Variants in SEMA5A observed in about 807,000 individuals in gnomAD.
The protein encoded by SEMA5A is semaphorin-5A.
A neutral mutation model predicts 135.5 loss-of-function variants in SEMA5A; 55 were observed. The observed-to-expected ratio is 0.41, with a 90% CI of 0.33 to 0.51. The LOEUF is 0.51. Among genes scored for constraint, SEMA5A ranks in the 20% least tolerant of loss-of-function variants. The probability of loss-of-function intolerance (pLI) is 0.37; values close to 1 mark genes in which losing one functional copy is unlikely to be tolerated. For synonymous variants in SEMA5A, 580 were observed against 546.5 expected (o/e 1.06, Z -0.85); for missense variants, 1,290 against 1,419.9 (o/e 0.91, Z 1.47).
At chr5:9,225,822 G>A (rs978309869) in intron 7 of SEMA5A, among the ~76,000 whole-genome samples, 1 of 152,022 alleles carries the variant, frequency 6.6e-6, no homozygotes, top group African/African-American at 2.4e-5. Flanking sequence ...AAGCTCTTGG[G>A]TACTGGTGGA....
chr5:9,289,725 A>G (rs1326854500), intron 5 of SEMA5A, among the ~76,000 whole-genome samples: 1 of 152,140 alleles, frequency 6.6e-6, no homozygotes, highest in East Asian at 1.9e-4. Flanking sequence ...TTGATATACT[A>G]CTTTTTCAAC....
At chr5:9,221,471 T>G (rs921673538) in intron 8 of SEMA5A, among the ~76,000 whole-genome samples, 1 of 148,094 alleles carries the variant, frequency 6.8e-6, no homozygotes, top group South Asian at 2.2e-4. Context: ...CCCGGCTAAT[T>G]TTTTCTATTT....
chr5:9,274,965 A>G (rs1470163643), intron 5 of SEMA5A, among the ~76,000 whole-genome samples: 1 of 152,140 alleles, frequency 6.6e-6, no homozygotes, highest in Non-Finnish European at 1.5e-5. Context: ...AGCAGAAGGC[A>G]AGAAATAACT....
intron 1 of SEMA5A, among the ~76,000 whole-genome samples, chr5:9,485,932 A>G (rs940525701): frequency 6.6e-6 from 1 of 152,234 alleles, no homozygotes. Flanking sequence ...AATGAAAAAG[A>G]ACAGGCTGCA....
At position 9,173,473 on chromosome 5, in the gene SEMA5A, C is replaced by T. The variant is rs532287598; in HGVS notation, c.1273+16794G>A. 1.2e-4 allele frequency among the ~76,000 whole-genome samples: 19 copies of T among 152,158 alleles called. No homozygotes were observed. The South Asian group carries it at 4.0e-3, about 32-fold the overall frequency. On this transcript the variant is annotated intron_variant, in intron 11 of 22. Transcript: ENST00000382496. ...CCTGGGAAGTCCAAGATCAGGGTGC[C>T]TGCAGATTTGATGTCTGGTCACAGC...
rs1439671905 is a variant in SEMA5A at position 9,037,522 on chromosome 5, GATCT to G, written c.*5371_*5374del. On this transcript the variant is annotated 3_prime_UTR_variant, in exon 23 of 23. Transcript: ENST00000382496. ...ACAGATGACCACTGAGTATATCTTT[GATCT>G]ATCTGCTAAAACAATGTGTACAATG... 1 of 152,110 alleles carries G rather than the reference GATCT, an allele frequency of 6.6e-6. No homozygotes were observed. The highest frequency in any genetic ancestry group is 6.6e-5 in the Admixed American group (1 of 15,262). 9.4% of individuals were successfully genotyped at this position (152,110 alleles called of 1,614,324 possible).
intron 3 of SEMA5A, 58 bp from the exon 4 acceptor site, chr5:9,337,870 A>T: frequency 8.2e-7 from 1 of 1,225,572 alleles, no homozygotes; most frequent in Non-Finnish European, 1.2e-6. Context: ...TCCTCTGGGG[A>T]CCACAGATAG....
At chr5:9,356,847 T>A (rs1754471702) in intron 3 of SEMA5A, among the ~76,000 whole-genome samples, 1 of 152,194 alleles carries the variant, frequency 6.6e-6, no homozygotes, top group South Asian at 2.1e-4. Context: ...AAGAGCTCCT[T>A]TCTTCCAGGA....
intron 2 of SEMA5A, among the ~76,000 whole-genome samples, chr5:9,430,548 G>C (rs1757821224): frequency 6.6e-6 from 1 of 152,180 alleles, no homozygotes; most frequent in Non-Finnish European, 1.5e-5. Context: ...TTGAGGCTAA[G>C]ATGCAAAGCC....
chr5:9,394,374 C>T (rs1042925649), intron 2 of SEMA5A, among the ~76,000 whole-genome samples: 8 of 152,168 alleles, frequency 5.3e-5, no homozygotes, highest in African/African-American at 1.9e-4. Context: ...GTGCTCAGGA[C>T]ACACCATTGC....
intron 16 of SEMA5A, among the ~76,000 whole-genome samples, chr5:9,081,031 G>T (rs1320625099): frequency 6.6e-6 from 1 of 152,164 alleles, no homozygotes; most frequent in Non-Finnish European, 1.5e-5. Flanking sequence ...ATTTTCTTTT[G>T]CTGGCTTTGA....
chr5:9,063,012 C>T lies in SEMA5A; in HGVS notation c.2393G>A (p.Arg798His), dbSNP rs144973280. Reference sequence around the variant, plus strand: ...GTTCCGAATGCCCCTGCTGCAGTCACGGCTGCACTGTGACCACGACGTCCA... The same window carrying T: ...GTTCCGAATGCCCCTGCTGCAGTCATGGCTGCACTGTGACCACGACGTCCA... ...SAWTSWSQCS[R>H]DCSRGIRNRK... Residue 798 changes from arginine (R) to histidine (H), a missense_variant, in exon 18 of 23, where the codon CGT becomes CAT. By Grantham distance (29) the Arg-to-His change is conservative. Around this residue, in one of 3 missense-constraint regions of SEMA5A, gnomAD observed 1,029 missense variants for 1,086.6 expected, o/e 0.95. Transcript: ENST00000382496. The T allele has an allele frequency of 3.5e-5, 56 of 1,614,222 alleles. No homozygotes were observed. The African/African-American group carries it at 4.3e-4, about 12-fold the overall frequency.
intron 5 of SEMA5A, among the ~76,000 whole-genome samples, chr5:9,255,271 C>G (rs920995257): frequency 6.6e-6 from 1 of 152,154 alleles, no homozygotes; most frequent in African/African-American, 2.4e-5. Context: ...AGGAATGGAA[C>G]AAGAAGTCAC....
intron 12 of SEMA5A, among the ~76,000 whole-genome samples, chr5:9,145,640 ACT>A (rs1491499261): frequency 1.8e-5 from 2 of 111,678 alleles, no homozygotes; most frequent in African/African-American, 5.6e-5. Flanking sequence ...AAAGAAGAAA[ACT>A]TTTTTTTTTT....
At chr5:9,377,219 C>T (rs1755400953) in intron 3 of SEMA5A, among the ~76,000 whole-genome samples, 1 of 151,858 alleles carries the variant, frequency 6.6e-6, no homozygotes, top group Non-Finnish European at 1.5e-5. Flanking sequence ...TATATAATTG[C>T]CACCTTTCAT....
Position 9,545,364 on chromosome 5 carries a change from C to T in SEMA5A, c.-175+220G>A, listed in dbSNP as rs767293348. Among the ~76,000 whole-genome samples the T allele has an allele frequency of 4.6e-5, 7 of 152,100 alleles. No individual in the cohort carries two copies. Among genetic ancestry groups the T allele is most frequent in the Non-Finnish European group, 7.4e-5 (5 of 68,004 alleles). On this transcript the variant is annotated intron_variant, in intron 1 of 22. Transcript: ENST00000382496. The surrounding 1 kb of genome is among the most constrained non-coding windows in gnomAD (Gnocchi z 4.5). ...CAGGCGGGTACACAAACTTCCAGCCCGTGCACTAGCTCAACTGTGGGCGCC... is the reference window on the plus strand; with the variant it reads ...CAGGCGGGTACACAAACTTCCAGCCTGTGCACTAGCTCAACTGTGGGCGCC...
At chr5:9,044,680 A>C in intron 21 of SEMA5A, 96 bp from the exon 22 acceptor site, 1 of 1,011,260 alleles carries the variant, frequency 9.9e-7, no homozygotes, top group Non-Finnish European at 1.5e-6. Context: ...CAAAATGAAA[A>C]GCTTCATCCC....
intron 11 of SEMA5A, among the ~76,000 whole-genome samples, chr5:9,166,088 T>C (rs2150295832): frequency 6.6e-6 from 1 of 152,300 alleles, no homozygotes. Flanking sequence ...CGGTTTAAAC[T>C]TTCCTGGTCA....
At chr5:9,332,634 G>A (rs1037768283) in intron 4 of SEMA5A, among the ~76,000 whole-genome samples, 3 of 152,058 alleles carry the variant, frequency 2.0e-5, no homozygotes, top group Non-Finnish European at 2.9e-5. Flanking sequence ...TGGGTCAGGT[G>A]TGCAATGTGT....
Sources: allele counts gnomAD v4.1 joint callset (sites outside exome capture counted in the v4.1 genomes callset), GRCh38; gene constraint gnomAD v4.1.1; regional missense constraint gnomAD v4.1.1; non-coding constraint Gnocchi (gnomAD v3.1); transcripts MANE v1.5; gene names NCBI Gene and HGNC (gene_info 2026-07-23, HGNC 2026-07-21).